The following GLT1D1 variants were observed in gnomAD, a reference collection of about 807,000 sequenced individuals.
GLT1D1 encodes glycosyltransferase 1 domain containing 1.
In GLT1D1, 21 loss-of-function variants were observed where a neutral mutation model predicts 28.7. That is an observed-to-expected ratio of 0.73 (90% CI 0.52 to 1.05). The LOEUF (loss-of-function observed/expected upper bound fraction) is 1.05, where lower values mean the gene tolerates loss of function less well. Among genes scored for constraint, GLT1D1 ranks in the 50% least tolerant of loss-of-function variants. The pLI is 0.00. For synonymous variants in GLT1D1, 147 were observed against 124.8 expected (o/e 1.18, Z -1.19); for missense variants, 343 against 330.6 (o/e 1.04, Z -0.29).
At chr12:128,862,824 C>G (rs1411010097) in intron 1 of GLT1D1, among the ~76,000 whole-genome samples, 1 of 152,202 alleles carries the variant, frequency 6.6e-6, no homozygotes, top group East Asian at 1.9e-4. Flanking sequence ...AGCATTGTCA[C>G]TTGGAAGACA....
chr12:128,924,549 C>G (rs143723527), intron 4 of GLT1D1, among the ~76,000 whole-genome samples: 1 of 151,792 alleles, frequency 6.6e-6, no homozygotes, highest in South Asian at 2.1e-4. Flanking sequence ...CTCCGCCTCC[C>G]GGGTTCAAGT....
intron 2 of GLT1D1, among the ~76,000 whole-genome samples, chr12:128,883,590 A>AG (rs71072417): frequency 5.1e-4 from 47 of 92,292 alleles, no homozygotes; most frequent in Non-Finnish European, 8.6e-4. Context: ...ACTCCATCTC[A>AG]AAAAAAAAAA....
intron 4 of GLT1D1, among the ~76,000 whole-genome samples, chr12:128,930,896 T>C (rs1274816716): frequency 6.6e-6 from 1 of 152,176 alleles, no homozygotes; most frequent in African/African-American, 2.4e-5. Flanking sequence ...TCTTAAGTAA[T>C]AGTCTTTTAG....
intron 4 of GLT1D1, among the ~76,000 whole-genome samples, chr12:128,913,950 G>C (rs1173785636): frequency 6.6e-6 from 1 of 152,138 alleles, no homozygotes; most frequent in Non-Finnish European, 1.5e-5. Context: ...ACATGCAGTC[G>C]GAGCCCAGGG....
chr12:128,887,107 G>T (rs1566104340), intron 2 of GLT1D1, among the ~76,000 whole-genome samples: 1 of 151,886 alleles, frequency 6.6e-6, no homozygotes, highest in South Asian at 2.1e-4. Context: ...TGCCTCCCGG[G>T]TTCAAGTGAT....
chr12:128,904,445 A>G (rs943554120), intron 4 of GLT1D1, among the ~76,000 whole-genome samples: 1 of 151,674 alleles, frequency 6.6e-6, no homozygotes, highest in Admixed American at 6.6e-5. Flanking sequence ...GGAGGGGGAA[A>G]AAGAGAGGAA....
At chr12:128,885,494 A>G (rs1162705824) in intron 2 of GLT1D1, among the ~76,000 whole-genome samples, 1 of 152,200 alleles carries the variant, frequency 6.6e-6, no homozygotes, top group Non-Finnish European at 1.5e-5. Context: ...AAGTGCTGAG[A>G]TTACAGGTAT....
At chr12:128,967,287 A>G (rs2135533336) in intron 7 of GLT1D1, among the ~76,000 whole-genome samples, 1 of 152,352 alleles carries the variant, frequency 6.6e-6, no homozygotes, top group South Asian at 2.1e-4. Context: ...TAATGGCTTT[A>G]ATAGTCAGTC....
In GLT1D1 at chr12:128,854,559, G is replaced by A. The variant is rs891218830; in HGVS notation, c.68+910G>A. On this transcript the variant is annotated intron_variant, in intron 1 of 7. Transcript: ENST00000281703. ...GTCACCCAGGCTGGAGTGCAGTGGC[G>A]CAATCTGGGCTCACTGCAACCTCCG... 3.9e-5 allele frequency among the ~76,000 whole-genome samples: 6 copies of A among 152,022 alleles called. No individual in the cohort carries two copies. In the South Asian group the frequency reaches 6.2e-4, roughly 16 times the overall value.
At chr12:128,954,011 T>G (rs593016) in intron 6 of GLT1D1, among the ~76,000 whole-genome samples, 151,895 of 152,276 alleles carry the variant, frequency 1, 75,757 homozygotes, top group East Asian at 1. Context: ...CTCCCAAAGT[T>G]CTGGGATTAC....
At chr12:128,972,379 TG>T (rs1240923147) in intron 7 of GLT1D1, among the ~76,000 whole-genome samples, 2 of 152,308 alleles carry the variant, frequency 1.3e-5, no homozygotes, top group African/African-American at 4.8e-5. Context: ...TGACTTGGGC[TG>T]GAGGGAGCAC....
intron 1 of GLT1D1, among the ~76,000 whole-genome samples, chr12:128,864,334 C>G (rs927710528): frequency 2.1e-4 from 32 of 151,922 alleles, no homozygotes; most frequent in African/African-American, 7.5e-4. Context: ...AGGAGACAGG[C>G]TGGGAAGGCA....
chr12:128,905,051 G>A (rs1331670985), intron 4 of GLT1D1, among the ~76,000 whole-genome samples: 1 of 150,528 alleles, frequency 6.6e-6, no homozygotes, highest in African/African-American at 2.4e-5. Flanking sequence ...TTACAGGCAT[G>A]AGCCACCGCG....
chr12:128,981,900 G>A (rs1480369929), intron 7 of GLT1D1, among the ~76,000 whole-genome samples: 1 of 152,214 alleles, frequency 6.6e-6, no homozygotes, highest in Non-Finnish European at 1.5e-5. Context: ...CACGTGAAGG[G>A]TAGGGTGTGG....
chr12:128,949,682 C>T (rs1876484588), intron 6 of GLT1D1, among the ~76,000 whole-genome samples: 1 of 152,094 alleles, frequency 6.6e-6, no homozygotes, highest in Non-Finnish European at 1.5e-5. Context: ...TTGAATCCTG[C>T]AGAGAATTAC....
chr12:128,945,103 T>C (rs1342564970), intron 4 of GLT1D1: 3 of 701,748 alleles, frequency 4.3e-6, no homozygotes, highest in Non-Finnish European at 7.8e-6. Flanking sequence ...GCTGGAAAGG[T>C]GCTTTAGCTC....
intron 6 of GLT1D1, among the ~76,000 whole-genome samples, chr12:128,955,274 CCTCTCCCTCTCCCTCATCT>C (rs1441259896): frequency 6.6e-6 from 1 of 152,158 alleles, no homozygotes; most frequent in Non-Finnish European, 1.5e-5. Context: ...CCTCCTGCTT[CCTCTCCCTCTCCCTCATCT>C]CTCTGTGTAC....
At position 128,894,139 on chromosome 12, in the gene GLT1D1, G is replaced by A. The variant is rs916808782; in HGVS notation, c.324-5097G>A. ...CCATGCTGGGCTCGAGCCTCCTTCC[G>A]CGTCAGCACTGTATGGTGCTTGGAT... On this transcript the variant is annotated intron_variant, in intron 3 of 7. Transcript: ENST00000281703. Among the ~76,000 whole-genome samples, 5 of 152,252 alleles carry A rather than the reference G, an allele frequency of 3.3e-5. No individual in the cohort carries two copies. The East Asian group carries it at 5.8e-4, about 18-fold the overall frequency.
intron 5 of GLT1D1, among the ~76,000 whole-genome samples, chr12:128,946,841 G>C (rs757920459): frequency 6.7e-6 from 1 of 150,368 alleles, no homozygotes; most frequent in Non-Finnish European, 1.5e-5. Context: ...TAGAGACGGG[G>C]TTTCGCCATG....
Sources: allele counts gnomAD v4.1 joint callset (sites outside exome capture counted in the v4.1 genomes callset), GRCh38; gene constraint gnomAD v4.1.1; transcripts MANE v1.5; gene names NCBI Gene and HGNC (gene_info 2026-07-23, HGNC 2026-07-21).